The following XRCC1 variants were observed in gnomAD, a reference collection of about 807,000 sequenced individuals.
XRCC1 encodes the protein DNA repair protein XRCC1.
A neutral mutation model predicts 83.3 loss-of-function variants in XRCC1; 52 were observed. The ratio of observed to expected loss-of-function variants is 0.62; its 90% CI spans 0.50 to 0.79. The LOEUF (loss-of-function observed/expected upper bound fraction) is 0.79. XRCC1 is among the 30% of genes least tolerant of loss of function. The pLI, the probability that XRCC1 is intolerant of heterozygous loss-of-function variation, is 0.00. For synonymous variants in XRCC1, 281 were observed against 312.6 expected (o/e 0.90, Z 1.07); for missense variants, 793 against 823.5 (o/e 0.96, Z 0.45).
At chr19:43,548,779 A>AAAAAAAAAAAAAAAAAAAC (rs1213062759) in intron 10 of XRCC1, among the ~76,000 whole-genome samples, 79 of 141,712 alleles carry the variant, frequency 5.6e-4, no homozygotes, top group South Asian at 1.4e-3. Flanking sequence ...AAAAAAAAAA[A>AAAAAAAAAAAAAAAAAAAC]AAAAAAACAC....
rs368291115 is a variant in XRCC1 at position 43,552,182 on chromosome 19, G to A, written c.917C>T (p.Pro306Leu). The A allele has an allele frequency of 4.3e-6, 7 of 1,613,950 alleles. No individual in the cohort carries two copies. The Admixed American group carries it at 6.7e-5, about 15-fold the overall frequency. ...TGKPRGEGTE[P>L]RRPRAGPEEL... The stretch of plus-strand genomic sequence containing the variant: ...CTCTGGGCCAGCTCGGGGTCGTCTG[G>A]GCTCGGTGCCTTCTCCTCGGGGTTT... The change falls in exon 9 of 17, where the codon CCC becomes CTC. Residue 306 changes from proline to leucine, a missense_variant. Transcript: ENST00000262887.
intron 3 of XRCC1, among the ~76,000 whole-genome samples, chr19:43,555,761 C>T (rs1205972503): frequency 1.3e-5 from 2 of 152,224 alleles, no homozygotes; most frequent in Admixed American, 1.3e-4. Flanking sequence ...TTCTTTCTAT[C>T]AAATTATCTG....
chr19:43,543,380 A>G lies in XRCC1; in HGVS notation c.*12T>C, dbSNP rs780386707. ...TGTGTGTGTGTGTGTGTGTGTGTGT[A>G]TAGCACATACTTCAGGCTTGCGGCA... On this transcript the variant is annotated 3_prime_UTR_variant, in exon 17 of 17. Coordinates refer to ENST00000262887, the MANE Select transcript of XRCC1 (RefSeq NM_006297.3). 6.9e-4 allele frequency: 975 copies of G among 1,407,374 alleles called. 1 individual carries two copies. The highest frequency in any genetic ancestry group is 7.2e-4 in the Non-Finnish European group (727 of 1,016,564). The allele number at this position is 1,407,374 out of a possible 1,614,324, so 87.2% of individuals were successfully genotyped here. A position where few individuals can be genotyped will look rare whatever the true frequency, so the allele number is the denominator to read the frequency against.
chr19:43,550,986 T>G (rs1370421926), intron 10 of XRCC1, among the ~76,000 whole-genome samples: 4 of 149,466 alleles, frequency 2.7e-5, no homozygotes, highest in Admixed American at 2.0e-4. Context: ...GGTTTTTGGG[T>G]TTTTTTTTTC....
intron 7 of XRCC1, 25 bp from the exon 8 acceptor site, chr19:43,552,933 G>T: frequency 6.2e-7 from 1 of 1,611,620 alleles, no homozygotes; most frequent in Non-Finnish European, 8.5e-7. Flanking sequence ...ATGGATTGAG[G>T]CCTCCAGCTT....
At chr19:43,566,878 CAAA>C (rs76309782) in intron 2 of XRCC1, among the ~76,000 whole-genome samples, 3 of 98,720 alleles carry the variant, frequency 3.0e-5, no homozygotes, top group Non-Finnish European at 3.8e-5. Context: ...GACTCAATCT[CAAA>C]AAAAAAAAAA....
chr19:43,546,786 G>C, intron 11 of XRCC1, 59 bp from the exon 12 acceptor site: 1 of 1,593,352 alleles, frequency 6.3e-7, no homozygotes, highest in South Asian at 1.1e-5. Flanking sequence ...TGTTGGGGGG[G>C]TACCTGCAAG....
chr19:43,554,638 C>T lies in XRCC1; in HGVS notation c.414+8G>A, dbSNP rs202006168. The T allele has an allele frequency of 3.7e-5, 60 of 1,608,408 alleles. No individual in the cohort carries two copies. The African/African-American group carries it at 7.3e-4, about 20-fold the overall frequency. On this transcript the variant is annotated splice_region_variant and intron_variant, in intron 4 of 16. Transcript: ENST00000262887. ...AGGACTCTGCACCCTGGCTCCCACCCTAGGTACCTTGCTGTAGGGCTGGCT... is the reference window on the plus strand; with the variant it reads ...AGGACTCTGCACCCTGGCTCCCACCTTAGGTACCTTGCTGTAGGGCTGGCT...
chr19:43,553,109 G>A lies in XRCC1; in HGVS notation c.602-18C>T, dbSNP rs1197073557. On this transcript the variant is annotated intron_variant, in intron 6 of 16. Transcript: ENST00000262887. ...GGCTGTGACTATGAAGGGAGAAAGT[G>A]GATCCAGGATGAGAGGGCTGAGCCC... The A allele has an allele frequency of 1.3e-6, 2 of 1,554,206 alleles. No individual in the cohort carries two copies. The highest frequency in any genetic ancestry group is 2.4e-5 in the East Asian group (1 of 41,876).
chr19:43,569,220 C>A (rs1342568687), intron 2 of XRCC1, among the ~76,000 whole-genome samples: 1 of 152,010 alleles, frequency 6.6e-6, no homozygotes, highest in African/African-American at 2.4e-5. Flanking sequence ...TGTCTGTAAT[C>A]CCAAGGATTT....
In XRCC1 at chr19:43,543,506, C is replaced by G; in HGVS notation, c.1789-1G>C. ...CCAGGGAGGGGTTGTCCATCAGGGCCTGCAGGGTGGGGTGGAGTCCATACG... is the reference window on the plus strand; with the variant it reads ...CCAGGGAGGGGTTGTCCATCAGGGCGTGCAGGGTGGGGTGGAGTCCATACG... On this transcript the variant is annotated splice_acceptor_variant, in intron 16 of 16. Coordinates refer to ENST00000262887, the MANE Select transcript of XRCC1 (RefSeq NM_006297.3). LOFTEE classifies it high-confidence loss of function. 1.2e-6 allele frequency: 2 copies of G among 1,613,822 alleles called. No individual in the cohort carries two copies. Among genetic ancestry groups the G allele is most frequent in the Non-Finnish European group, 1.7e-6 (2 of 1,179,940 alleles).
chr19:43,564,485 T>C (rs564013694), intron 2 of XRCC1, among the ~76,000 whole-genome samples: 1 of 152,238 alleles, frequency 6.6e-6, no homozygotes, highest in South Asian at 2.1e-4. Context: ...AGCACAAACT[T>C]TGTGGCTAAA....
intron 14 of XRCC1, among the ~76,000 whole-genome samples, chr19:43,545,404 C>A (rs937964324): frequency 1.2e-4 from 18 of 152,228 alleles, no homozygotes; most frequent in Non-Finnish European, 2.4e-4. Context: ...TTAAAGCAGA[C>A]ACTGGTGTGC....
intron 15 of XRCC1, 135 bp from the exon 16 acceptor site, chr19:43,543,822 C>A: frequency 1.3e-6 from 1 of 752,512 alleles, no homozygotes; most frequent in Non-Finnish European, 2.2e-6. Flanking sequence ...AGGCTCCATT[C>A]TTTCATGTAT....
intron 3 of XRCC1, among the ~76,000 whole-genome samples, chr19:43,557,180 G>A (rs372221404): frequency 1.5e-4 from 23 of 150,248 alleles, no homozygotes; most frequent in East Asian, 1.2e-3. Context: ...ATGGTGGCGC[G>A]TGCCTGTAGT....
intron 2 of XRCC1, among the ~76,000 whole-genome samples, chr19:43,571,318 C>T (rs1972804871): frequency 6.6e-6 from 1 of 152,192 alleles, no homozygotes; most frequent in African/African-American, 2.4e-5. Flanking sequence ...GCTCAAATGT[C>T]CCCTTTTCAG....
intron 10 of XRCC1, 110 bp from the exon 11 acceptor site, chr19:43,547,087 T>C: frequency 3.8e-6 from 4 of 1,061,522 alleles, no homozygotes; most frequent in South Asian, 1.5e-5. Context: ...GTGGGCCTCA[T>C]GGTCTTGTTC....
Position 43,546,033 on chromosome 19 carries a change from C to T in XRCC1, c.1481+19G>A, listed in dbSNP as rs771156998. On this transcript the variant is annotated intron_variant, in intron 13 of 16. Transcript: ENST00000262887. ...ACACCCAAGGCCAGGGACACCCCAACCCCCAGCCCCAGCCCTACCTCCTCA... is the reference window on the plus strand; with the variant it reads ...ACACCCAAGGCCAGGGACACCCCAATCCCCAGCCCCAGCCCTACCTCCTCA... 1.9e-6 allele frequency: 3 copies of T among 1,613,866 alleles called. No homozygotes were observed. Among genetic ancestry groups the T allele is most frequent in the Admixed American group, 3.3e-5 (2 of 59,994 alleles).
intron 10 of XRCC1, among the ~76,000 whole-genome samples, 199 bp downstream of exon 10, chr19:43,551,372 C>T (rs1183188748): frequency 6.6e-6 from 1 of 152,210 alleles, no homozygotes; most frequent in Non-Finnish European, 1.5e-5. Context: ...CTTCACAGAG[C>T]CCTCTGTGAC....
Sources: allele counts gnomAD v4.1 joint callset (sites outside exome capture counted in the v4.1 genomes callset), GRCh38; gene constraint gnomAD v4.1.1; transcripts MANE v1.5; gene names NCBI Gene and HGNC (gene_info 2026-07-23, HGNC 2026-07-21).